The following CSMD3 variants were observed in gnomAD, a reference collection of about 807,000 sequenced individuals.
CSMD3 encodes the protein CUB and Sushi multiple domains 3, also known as CUB and sushi domain-containing protein 3.
In CSMD3, 177 loss-of-function variants were observed where a neutral mutation model predicts 435.2. The ratio of observed to expected loss-of-function variants is 0.41; its 90% confidence interval spans 0.36 to 0.46. The LOEUF (loss-of-function observed/expected upper bound fraction) is 0.46, where lower values mean the gene tolerates loss of function less well. Ranked by LOEUF, CSMD3 falls within the 20% of genes least tolerant of loss-of-function variation. The probability of loss-of-function intolerance (pLI) is 0.34; values close to 1 mark genes in which losing one functional copy is unlikely to be tolerated. For missense variants in CSMD3, 4,265 were observed against 4,504.6 expected (o/e 0.95, Z 1.52); for synonymous variants, 1,656 against 1,520.5 (o/e 1.09, Z -2.07).
intron 13 of CSMD3, among the ~76,000 whole-genome samples, chr8:112,763,798 T>A (rs1225808186): frequency 6.6e-6 from 1 of 151,130 alleles, no homozygotes; most frequent in Non-Finnish European, 1.5e-5. Flanking sequence ...TAAATTACTT[T>A]CAAAATGTAA....
chr8:112,536,711 C>CAT (rs1167423428), intron 27 of CSMD3, among the ~76,000 whole-genome samples: 1 of 149,052 alleles, frequency 6.7e-6, no homozygotes, highest in East Asian at 2.0e-4. Context: ...TATAAAGACA[C>CAT]ACGCATGCGT....
intron 22 of CSMD3, among the ~76,000 whole-genome samples, chr8:112,635,966 T>G (rs2074644999): frequency 6.6e-6 from 1 of 152,128 alleles, no homozygotes; most frequent in African/African-American, 2.4e-5. Context: ...ATTAATCAAA[T>G]TAAGTGCTTG....
intron 13 of CSMD3, among the ~76,000 whole-genome samples, chr8:112,694,703 C>G (rs1276949160): frequency 6.6e-6 from 1 of 152,044 alleles, no homozygotes; most frequent in Non-Finnish European, 1.5e-5. Flanking sequence ...CTTTGTCTCT[C>G]CACCTAAATC....
intron 32 of CSMD3, among the ~76,000 whole-genome samples, chr8:112,420,504 T>A (rs114149843): frequency 0.01 from 1,559 of 152,300 alleles, 30 homozygotes; most frequent in African/African-American, 0.035. Context: ...GTTAGTTTAA[T>A]CAAATCTGAA....
At chr8:113,344,323 T>C (rs1409236046) in intron 1 of CSMD3, among the ~76,000 whole-genome samples, 1 of 152,132 alleles carries the variant, frequency 6.6e-6, no homozygotes, top group African/African-American at 2.4e-5. Context: ...TTGATTCACA[T>C]CTGTTTTTTT....
chr8:112,949,124 G>A (rs532279178), intron 8 of CSMD3, among the ~76,000 whole-genome samples: 40 of 152,022 alleles, frequency 2.6e-4, no homozygotes, highest in African/African-American at 9.6e-4. Flanking sequence ...TCAAAATTGA[G>A]AACCACTGGA....
In CSMD3 at chr8:112,656,611, G is replaced by A. The variant is rs542775656; in HGVS notation, c.2817-270C>T. On this transcript the variant is annotated intron_variant, in intron 17 of 70. Transcript: ENST00000297405. ...AAATATTATAAATTATCTTATAACT[G>A]GACTGTTCATGAACCAAACATATTT... is the stretch of plus-strand genomic sequence containing the variant. Among the ~76,000 whole-genome samples, 3 of 151,986 alleles carry A rather than the reference G, an allele frequency of 2.0e-5. No individual in the cohort carries two copies. In the South Asian group the frequency reaches 6.2e-4, roughly 32 times the overall value.
chr8:112,737,488 G>C (rs978328991), intron 13 of CSMD3, among the ~76,000 whole-genome samples: 10 of 151,948 alleles, frequency 6.6e-5, no homozygotes, highest in African/African-American at 1.9e-4. Context: ...GTGAAGGATA[G>C]AGGTTGTTGG....
chr8:112,912,713 T>C (rs1455683995), intron 10 of CSMD3, among the ~76,000 whole-genome samples: 3 of 151,838 alleles, frequency 2.0e-5, no homozygotes, highest in Non-Finnish European at 4.4e-5. Flanking sequence ...AACAGACAAA[T>C]GGCATTGCAT....
intron 4 of CSMD3, among the ~76,000 whole-genome samples, chr8:113,132,447 T>G (rs530470285): frequency 2.0e-5 from 3 of 151,682 alleles, no homozygotes; most frequent in East Asian, 3.9e-4. Context: ...AATAAGTGAG[T>G]CGTCAGGAGA....
rs1563913319 is a variant in CSMD3, at chr8:112,410,652, G to GTATATATATGTGTA, written c.5396-1621_5396-1620insTACACATATATATA. On this transcript the variant is annotated intron_variant, in intron 32 of 70. Transcript: ENST00000297405. ...TGTATATATATGTATATATATATGTGTATATATATGTATATATATATGTGT... is the reference window on the plus strand; with the variant it reads ...TGTATATATATGTATATATATATGTGTATATATATGTGTATATATATATGTATATATATATGTGT... 3.0e-3 allele frequency among the ~76,000 whole-genome samples: 111 copies of GTATATATATGTGTA among 36,602 alleles called. 9 individuals are homozygous for GTATATATATGTGTA. Among genetic ancestry groups the GTATATATATGTGTA allele is most frequent in the Non-Finnish European group, 4.7e-3 (86 of 18,458 alleles). 24.0% of individuals were successfully genotyped at this position (36,602 alleles called of 152,430 possible).
At chr8:112,959,760 G>A (rs765906306) in intron 7 of CSMD3, among the ~76,000 whole-genome samples, 11 of 151,848 alleles carry the variant, frequency 7.2e-5, no homozygotes, top group Admixed American at 3.3e-4. Context: ...GTCTCTAGGC[G>A]TGTATTTGAT....
chr8:112,905,595 T>C (rs1012038693), intron 10 of CSMD3, among the ~76,000 whole-genome samples: 1 of 151,412 alleles, frequency 6.6e-6, no homozygotes, highest in African/African-American at 2.4e-5. Flanking sequence ...AGAGCAAAGA[T>C]GTGGGCAATG....
chr8:112,606,138 A>G (rs1175397446), intron 22 of CSMD3, among the ~76,000 whole-genome samples: 3 of 152,164 alleles, frequency 2.0e-5, no homozygotes, highest in African/African-American at 7.2e-5. Flanking sequence ...CATAAAATCC[A>G]AAAACTGACT....
At chr8:112,390,595 A>G (rs1830324046) in intron 36 of CSMD3, 69 bp downstream of exon 36, 4 of 1,287,796 alleles carry the variant, frequency 3.1e-6, no homozygotes, top group African/African-American at 1.5e-5. Flanking sequence ...AATAATGTTC[A>G]TTCTGTCATC....
At chr8:113,019,435 G>T (rs1280398692) in intron 5 of CSMD3, among the ~76,000 whole-genome samples, 2 of 151,370 alleles carry the variant, frequency 1.3e-5, no homozygotes. Flanking sequence ...CATGATTTTT[G>T]ATTTATCCAA....
rs541115513 is a variant in CSMD3 at position 112,378,007 on chromosome 8, A to G, written c.6136+2345T>C. ...TGGAAGTCCTAGCCAGAGGAATTAGACAAGAAATAGAAATAAAAGGCATCC... is the reference window on the plus strand; with the variant it reads ...TGGAAGTCCTAGCCAGAGGAATTAGGCAAGAAATAGAAATAAAAGGCATCC... On this transcript the variant is annotated intron_variant, in intron 38 of 70. Transcript: ENST00000297405. 2.6e-5 allele frequency among the ~76,000 whole-genome samples: 4 copies of G among 152,260 alleles called. No individual in the cohort carries two copies. In the South Asian group the frequency reaches 8.3e-4, roughly 32 times the overall value.
At chr8:112,763,079 G>A (rs1180971711) in intron 13 of CSMD3, among the ~76,000 whole-genome samples, 1 of 151,486 alleles carries the variant, frequency 6.6e-6, no homozygotes, top group Non-Finnish European at 1.5e-5. Flanking sequence ...AACATTGTGA[G>A]GTAACATATA....
intron 10 of CSMD3, among the ~76,000 whole-genome samples, chr8:112,893,732 T>G (rs1323622935): frequency 6.6e-6 from 1 of 151,534 alleles, no homozygotes; most frequent in East Asian, 2.0e-4. Context: ...TAGTGTGATT[T>G]TAAATTTTGT....
Sources: gnomAD v4.1 joint callset for allele counts (sites outside exome capture counted in the v4.1 genomes callset) on GRCh38, gnomAD v4.1.1 for gene constraint, MANE v1.5 for transcripts, NCBI Gene and HGNC (gene_info 2026-07-23, HGNC 2026-07-21) for gene names.